Variants in SRC observed in about 807,000 individuals in gnomAD.
SRC encodes proto-oncogene tyrosine-protein kinase Src.
A neutral mutation model predicts 62.9 loss-of-function variants in SRC; 13 were observed. That is an observed-to-expected ratio of 0.21 (90% CI 0.13 to 0.33). The LOEUF is 0.33. Among genes scored for constraint, SRC ranks in the 10% least tolerant of loss-of-function variants. The probability of loss-of-function intolerance (pLI) is 1.00; values close to 1 mark genes in which losing one functional copy is unlikely to be tolerated. For missense variants in SRC, 457 were observed against 737.3 expected, an observed-to-expected ratio of 0.62 and a Z score of 4.40; for synonymous variants, 302 against 317.5, an observed-to-expected ratio of 0.95 and a Z score of 0.52.
intron 2 of SRC, among the ~76,000 whole-genome samples, chr20:37,374,010 G>A (rs922763125): frequency 4.8e-5 from 7 of 146,546 alleles, no homozygotes; most frequent in Non-Finnish European, 8.9e-5. Context: ...AAATTGACTT[G>A]CCTAGTTAAA....
Position 37,402,500 on chromosome 20 carries a change from C to T in SRC, c.1182C>T (p.Asn394=). The change falls in exon 12 of 14, where the codon AAC becomes AAT. Residue 394 remains asparagine (N), a synonymous_variant. Coordinates refer to ENST00000373578, the MANE Select transcript of SRC (RefSeq NM_198291.3). This position sits in a 1 kb window ranked among gnomAD's most constrained non-coding sequence, Gnocchi z 6.2. The part of the protein sequence containing the change: ...NYVHRDLRAA[N]ILVGENLVCK... ...TCCACCGGGACCTTCGTGCAGCCAA[C>T]ATCCTGGTGGGAGAGAACCTGGTGT... 1 of 1,614,052 alleles carries T rather than the reference C, an allele frequency of 6.2e-7. No homozygotes were observed. The highest frequency in any genetic ancestry group is 1.7e-5 in the Admixed American group (1 of 59,998).
intron 2 of SRC, among the ~76,000 whole-genome samples, chr20:37,373,857 T>C (rs973184705): frequency 2.0e-5 from 3 of 152,222 alleles, no homozygotes; most frequent in African/African-American, 7.2e-5. Flanking sequence ...CCTGATGTAC[T>C]GATGTGCCAA....
Position 37,397,725 on chromosome 20 carries a change from C to G in SRC, c.730C>G (p.Leu244Val). 3 of 1,601,404 alleles carry G rather than the reference C, an allele frequency of 1.9e-6. No individual in the cohort carries two copies. Among genetic ancestry groups the G allele is most frequent in the Non-Finnish European group, 2.6e-6 (3 of 1,172,954 alleles). Reference sequence around the variant, plus strand: ...ACACGCCGATGGCCTGTGCCACCGCCTCACCACCGTGTGCCCCACGTCCAA... The same window carrying G: ...ACACGCCGATGGCCTGTGCCACCGCGTCACCACCGTGTGCCCCACGTCCAA... ...SKHADGLCHR[L>V]TTVCPTSKPQ... is the part of the protein sequence containing the mutation. Residue 244 changes from leucine (L) to valine (V), a missense_variant, in exon 9 of 14, where the codon CTC becomes GTC. Physicochemically the swap from Leu to Val is conservative, Grantham distance 32. This residue lies in a region of SRC where 141 missense variants were observed against 198.4 expected (regional missense o/e 0.71). Coordinates refer to ENST00000373578, the MANE Select transcript of SRC (RefSeq NM_198291.3). This position sits in a 1 kb window ranked among gnomAD's most constrained non-coding sequence, Gnocchi z 4.1.
intron 5 of SRC, among the ~76,000 whole-genome samples, chr20:37,391,022 G>A (rs2070539051): frequency 6.6e-6 from 1 of 152,178 alleles, no homozygotes; most frequent in Admixed American, 6.5e-5. Flanking sequence ...GGGGAGCTGG[G>A]AGCCCTGCTC....
At position 37,402,970 on chromosome 20, in the gene SRC, C is replaced by T. The variant is rs2147127267; in HGVS notation, c.1402+90C>T. 1 of 1,495,774 alleles carries T rather than the reference C, an allele frequency of 6.7e-7. No homozygotes were observed. The highest frequency in any genetic ancestry group is 9.0e-7 in the Non-Finnish European group (1 of 1,116,620). The allele number at this position is 1,495,774 out of a possible 1,614,324, so 92.7% of individuals were successfully genotyped here. A position where few individuals can be genotyped will look rare whatever the true frequency, so the allele number is the denominator to read the frequency against. The stretch of plus-strand genomic sequence containing the variant: ...GTCATGACTCCTGCTGGGCCTGTTT[C>T]CCCACCCGTAAAACAAAGAAGTTGA... On this transcript the variant is annotated intron_variant, in intron 13 of 13. Coordinates refer to ENST00000373578, the MANE Select transcript of SRC (RefSeq NM_198291.3). The surrounding 1 kb of genome is among the most constrained non-coding windows in gnomAD (Gnocchi z 6.2).
chr20:37,354,036 C>T (rs73903486), intron 1 of SRC, among the ~76,000 whole-genome samples: 1,771 of 152,196 alleles, frequency 0.012, 31 homozygotes, highest in African/African-American at 0.041. Flanking sequence ...AGTAAGTGCT[C>T]GGTGCGTGTT....
rs964922448 is a variant in SRC, at chr20:37,397,329, C to G, written c.704-370C>G. Among the ~76,000 whole-genome samples, 1 of 152,190 alleles carries G rather than the reference C, an allele frequency of 6.6e-6. No individual in the cohort carries two copies. The highest frequency in any genetic ancestry group is 1.9e-4 in the East Asian group (1 of 5,184). Reference sequence around the variant, plus strand: ...GCCTTCCAGGCCACTCCTGCTGTTGCGCGAACAGCTCTCCAGTCACATTCA... The same window carrying G: ...GCCTTCCAGGCCACTCCTGCTGTTGGGCGAACAGCTCTCCAGTCACATTCA... On this transcript the variant is annotated intron_variant, in intron 8 of 13. Transcript: ENST00000373578. This position sits in a 1 kb window ranked among gnomAD's most constrained non-coding sequence, Gnocchi z 4.1.
At position 37,396,404 on chromosome 20, in the gene SRC, C is replaced by A. The variant is rs965751594; in HGVS notation, c.703+93C>A. The A allele has an allele frequency of 1.8e-5, 26 of 1,467,674 alleles. No individual in the cohort carries two copies. The East Asian group carries it at 5.1e-4, about 29-fold the overall frequency. 90.9% of individuals were successfully genotyped at this position (1,467,674 alleles called of 1,614,324 possible). A position where few individuals can be genotyped will look rare whatever the true frequency, so the allele number is the denominator to read the frequency against. On this transcript the variant is annotated intron_variant, in intron 8 of 13. Coordinates refer to ENST00000373578, the MANE Select transcript of SRC (RefSeq NM_198291.3). This position sits in a 1 kb window ranked among gnomAD's most constrained non-coding sequence, Gnocchi z 6.1. ...TTGGAGCCTAGAAGGGTGGGGACTT[C>A]TGTTATCCTGCTTCTCTCCCCACTT... is the stretch of plus-strand genomic sequence containing the variant.
In SRC at chr20:37,402,897, G is replaced by T. The variant is rs2070762716; in HGVS notation, c.1402+17G>T. 1 of 1,609,890 alleles carries T rather than the reference G, an allele frequency of 6.2e-7. No individual in the cohort carries two copies. Among genetic ancestry groups the T allele is most frequent in the Non-Finnish European group, 8.5e-7 (1 of 1,177,980 alleles). On this transcript the variant is annotated intron_variant, in intron 13 of 13. Transcript: ENST00000373578. The surrounding 1 kb of genome is among the most constrained non-coding windows in gnomAD (Gnocchi z 6.2). ...CCTACCCTGGTAAGAAGGTCCTCAT[G>T]GCCTGTCTGTGGTCCCTGAATCCCT...
Position 37,396,143 on chromosome 20 carries a change from T to C in SRC, c.554-19T>C, listed in dbSNP as rs770739484. On this transcript the variant is annotated intron_variant, in intron 7 of 13. Coordinates refer to ENST00000373578, the MANE Select transcript of SRC (RefSeq NM_198291.3). This position sits in a 1 kb window ranked among gnomAD's most constrained non-coding sequence, Gnocchi z 6.1. Reference sequence around the variant, plus strand: ...GGGGAGAGGGCATGGCGGTCACGGCTCCCCTCGGTGCCCCGCAGGTGCCTA... The same window carrying C: ...GGGGAGAGGGCATGGCGGTCACGGCCCCCCTCGGTGCCCCGCAGGTGCCTA... 124 of 1,608,526 alleles carry C rather than the reference T, an allele frequency of 7.7e-5. No individual in the cohort carries two copies. Among genetic ancestry groups the C allele is most frequent in the Middle Eastern group, 1.9e-4 (1 of 5,244 alleles).
intron 5 of SRC, among the ~76,000 whole-genome samples, chr20:37,386,785 T>A (rs1224513014): frequency 6.6e-6 from 1 of 152,196 alleles, no homozygotes; most frequent in Non-Finnish European, 1.5e-5. Context: ...GACCCAGTGC[T>A]GTGATGGGGA....
intron 1 of SRC, among the ~76,000 whole-genome samples, chr20:37,363,420 C>G (rs955200308): frequency 6.6e-6 from 1 of 152,150 alleles, no homozygotes; most frequent in Admixed American, 6.5e-5. Flanking sequence ...CACCCAGGCT[C>G]CCTCCTGGGT....
Position 37,400,180 on chromosome 20 carries a change from G to T in SRC, c.925G>T (p.Ala309Ser), listed in dbSNP as rs2070717095. The change falls in exon 10 of 14, where the codon GCC (alanine) becomes TCC (serine). Residue 309 changes from alanine to serine, a missense_variant. Around this residue, in one of 4 missense-constraint regions of SRC, gnomAD observed 168 missense variants for 357.8 expected, o/e 0.47. Transcript: ENST00000373578. ...GAAGCCTGGCACGATGTCTCCAGAG[G>T]CCTTCCTGCAGGAGGCCCAGGTCAT... Reference protein sequence around the residue: ...TLKPGTMSPEAFLQEAQVMKK... With the variant: ...TLKPGTMSPESFLQEAQVMKK... The T allele has an allele frequency of 5.6e-6, 9 of 1,613,874 alleles. No individual in the cohort carries two copies. The highest frequency in any genetic ancestry group is 7.6e-6 in the Non-Finnish European group (9 of 1,179,952).
intron 5 of SRC, among the ~76,000 whole-genome samples, chr20:37,390,422 G>A (rs1211108599): frequency 1.4e-4 from 16 of 112,970 alleles, no homozygotes; most frequent in East Asian, 2.6e-4. Context: ...TTTTGAGACC[G>A]GATCTTGCTC....
intron 5 of SRC, among the ~76,000 whole-genome samples, chr20:37,391,243 T>C (rs1434903905): frequency 6.6e-6 from 1 of 152,240 alleles, no homozygotes; most frequent in African/African-American, 2.4e-5. Flanking sequence ...GCCTGTCCTC[T>C]GACCCCGCCC....
intron 5 of SRC, among the ~76,000 whole-genome samples, chr20:37,390,602 C>T (rs528598180): frequency 6.0e-4 from 92 of 152,158 alleles, no homozygotes; most frequent in Non-Finnish European, 2.4e-4. Flanking sequence ...GACGGGGTTT[C>T]GCCATGTTGC....
chr20:37,355,063 G>A (rs2069861404), intron 1 of SRC, among the ~76,000 whole-genome samples: 1 of 152,182 alleles, frequency 6.6e-6, no homozygotes, highest in Non-Finnish European at 1.5e-5. Context: ...GGAGCACCCT[G>A]TAGCCAGGTG....
At chr20:37,348,689 G>A (rs776293543) in intron 1 of SRC, among the ~76,000 whole-genome samples, 18 of 152,194 alleles carry the variant, frequency 1.2e-4, no homozygotes, top group Non-Finnish European at 2.4e-4. Flanking sequence ...TGGGGAGCTG[G>A]GAACAGGTCC....
intron 2 of SRC, among the ~76,000 whole-genome samples, chr20:37,371,199 GC>G (rs1304079051): frequency 6.6e-6 from 1 of 152,064 alleles, no homozygotes; most frequent in Non-Finnish European, 1.5e-5. Context: ...TTTACGTGTG[GC>G]CCAGGCTGGT....
Sources: allele counts gnomAD v4.1 joint callset (sites outside exome capture counted in the v4.1 genomes callset), GRCh38; gene constraint gnomAD v4.1.1; regional missense constraint gnomAD v4.1.1; non-coding constraint Gnocchi (gnomAD v3.1); transcripts MANE v1.5; gene names NCBI Gene and HGNC (gene_info 2026-07-23, HGNC 2026-07-21).